RBFOX1: variants seen among roughly 807,000 people sequenced by gnomAD.
RBFOX1 encodes the protein RNA binding fox-1 homolog 1, also known as RNA binding protein fox-1 homolog 1.
A neutral mutation model predicts 57.7 loss-of-function variants in RBFOX1; 8 were observed. The ratio of observed to expected loss-of-function variants is 0.14; its 90% CI spans 0.08 to 0.25. The LOEUF (loss-of-function observed/expected upper bound fraction) is 0.25. RBFOX1 is among the 10% of genes least tolerant of loss of function. RBFOX1 has a pLI of 1.00. For synonymous variants in RBFOX1, 326 were observed against 222.4 expected (o/e 1.47, Z -4.15); for missense variants, 611 against 548.5 (o/e 1.11, Z -1.14).
At position 6,658,928 on chromosome 16, in the gene RBFOX1, G is replaced by GTTTTTTTT. The variant is rs981949678; in HGVS notation, c.-16+4285_-16+4286insTTTTTTTT. Among the ~76,000 whole-genome samples the GTTTTTTTT allele has an allele frequency of 4.7e-3, 410 of 87,584 alleles. 2 individuals carry two copies. Among genetic ancestry groups the GTTTTTTTT allele is most frequent in the Non-Finnish European group, 7.3e-3 (291 of 39,890 alleles). 57.5% of individuals were successfully genotyped at this position (87,584 alleles called of 152,430 possible). On this transcript the variant is annotated intron_variant, in intron 3 of 15. Coordinates refer to ENST00000550418, the MANE Select transcript of RBFOX1 (RefSeq NM_018723.4). ...AGGTTTTTTGTTTTTTTGTTTTTTG[G>GTTTTTTTT]TTTTTTTGTTTTTTTTGTTTTTTTT...
chr16:6,633,729 C>T (rs550722837), intron 2 of RBFOX1, among the ~76,000 whole-genome samples: 2 of 152,214 alleles, frequency 1.3e-5, no homozygotes, highest in Admixed American at 1.3e-4. Flanking sequence ...GAGGCTCTAG[C>T]CAGGCGCTGT....
intron 6 of RBFOX1, among the ~76,000 whole-genome samples, chr16:7,582,162 G>C (rs927645954): frequency 6.6e-6 from 1 of 152,040 alleles, no homozygotes; most frequent in Non-Finnish European, 1.5e-5. Context: ...TGACTAGCTG[G>C]GACTACATGC....
At chr16:6,695,466 A>G (rs2060905013) in intron 3 of RBFOX1, among the ~76,000 whole-genome samples, 1 of 151,700 alleles carries the variant, frequency 6.6e-6, no homozygotes, top group Non-Finnish European at 1.5e-5. Flanking sequence ...AAGGAAAAGA[A>G]AATGACATAA....
chr16:5,612,205 C>T (rs889316928), intron 3 of RBFOX1, among the ~76,000 whole-genome samples: 3 of 91,488 alleles, frequency 3.3e-5, no homozygotes, highest in African/African-American at 4.2e-5. Context: ...TCATTCTCCC[C>T]TCCACTCTCA....
At chr16:7,517,763 C>A (rs571101934) in intron 4 of RBFOX1, among the ~76,000 whole-genome samples, 2 of 150,578 alleles carry the variant, frequency 1.3e-5, no homozygotes, top group South Asian at 4.2e-4. Flanking sequence ...GTTCTGCTGT[C>A]ACTGCAGACA....
At chr16:7,010,523 T>A (rs1276644961) in intron 3 of RBFOX1, among the ~76,000 whole-genome samples, 1 of 150,736 alleles carries the variant, frequency 6.6e-6, no homozygotes, top group Non-Finnish European at 1.5e-5. Context: ...GGAGAGACAC[T>A]GATCACATCT....
At chr16:5,642,233 A>G (rs949276940) in intron 3 of RBFOX1, among the ~76,000 whole-genome samples, 1 of 152,340 alleles carries the variant, frequency 6.6e-6, no homozygotes, top group African/African-American at 2.4e-5. Context: ...GCCAGGAGAG[A>G]TAAGAGAAGG....
In RBFOX1 at chr16:5,447,077, A is replaced by G. The variant is rs531543762; in HGVS notation, c.220-20139A>G. Among the ~76,000 whole-genome samples the G allele has an allele frequency of 1.6e-4, 24 of 152,284 alleles. 1 individual carries two copies. In the South Asian group the frequency reaches 4.8e-3, roughly 30 times the overall value. ...AAGCAAACAAACCATCACGATCAAC[A>G]AAAGAGGTAATGCTGTGACTACCGC... is the stretch of plus-strand genomic sequence containing the variant. On this transcript the variant is annotated intron_variant, in intron 1 of 2. Transcript: ENST00000585867.
intron 2 of RBFOX1, among the ~76,000 whole-genome samples, chr16:5,585,425 G>T (rs576496615): frequency 6.6e-6 from 1 of 152,328 alleles, no homozygotes; most frequent in East Asian, 1.9e-4. Context: ...GACATCTGGG[G>T]TGTTTCCTGC....
chr16:7,512,797 T>C (rs2152076630), intron 4 of RBFOX1, among the ~76,000 whole-genome samples: 1 of 152,298 alleles, frequency 6.6e-6, no homozygotes, highest in South Asian at 2.1e-4. Flanking sequence ...TGCAGAAGTT[T>C]CCCAGGCTGC....
At chr16:5,975,894 C>T (rs986167869) in intron 4 of RBFOX1, among the ~76,000 whole-genome samples, 20 of 151,948 alleles carry the variant, frequency 1.3e-4, no homozygotes, top group Admixed American at 1.1e-3. Flanking sequence ...TCCTATAATC[C>T]CAGTACTTTG....
At chr16:5,454,333 T>C (rs1312375209) in intron 1 of RBFOX1, among the ~76,000 whole-genome samples, 1 of 152,250 alleles carries the variant, frequency 6.6e-6, no homozygotes, top group Non-Finnish European at 1.5e-5. Context: ...AACTATCTGA[T>C]TAAACTCTTA....
At chr16:7,350,320 T>C (rs1282839166) in intron 4 of RBFOX1, among the ~76,000 whole-genome samples, 2 of 152,058 alleles carry the variant, frequency 1.3e-5, no homozygotes, top group African/African-American at 4.8e-5. Context: ...TGAGATGGAA[T>C]GAAATGGGTA....
chr16:7,496,219 C>G (rs1420329679), intron 4 of RBFOX1, among the ~76,000 whole-genome samples: 1 of 152,200 alleles, frequency 6.6e-6, no homozygotes, highest in Non-Finnish European at 1.5e-5. Context: ...TCTCAGCTCA[C>G]TGCAACCTCC....
intron 4 of RBFOX1, among the ~76,000 whole-genome samples, chr16:5,995,165 A>G (rs1039189428): frequency 6.6e-6 from 1 of 152,234 alleles, no homozygotes; most frequent in East Asian, 1.9e-4. Context: ...AACTTTCCAC[A>G]TAATTAAATA....
At chr16:5,301,992 C>G (rs1290095546) in intron 1 of RBFOX1, among the ~76,000 whole-genome samples, 3 of 151,740 alleles carry the variant, frequency 2.0e-5, no homozygotes, top group African/African-American at 7.3e-5. Context: ...TTACTTTAAG[C>G]TTCATTTGCT....
chr16:5,457,769 T>A (rs1456704108), intron 1 of RBFOX1, among the ~76,000 whole-genome samples: 1 of 152,228 alleles, frequency 6.6e-6, no homozygotes, highest in Non-Finnish European at 1.5e-5. Flanking sequence ...ACTCACTTCC[T>A]GGTACTTATT....
At chr16:6,652,647 A>G (rs966885139) in intron 2 of RBFOX1, among the ~76,000 whole-genome samples, 8 of 152,250 alleles carry the variant, frequency 5.3e-5, no homozygotes, top group African/African-American at 1.7e-4. Context: ...CGTTGAAGTC[A>G]CCTAGTCTGT....
rs953896633 is a variant in RBFOX1 at position 5,978,842 on chromosome 16, A to G, written c.351+111507A>G. Among the ~76,000 whole-genome samples the G allele has an allele frequency of 2.0e-5, 3 of 151,672 alleles. No homozygotes were observed. In the East Asian group the frequency reaches 5.8e-4, roughly 30 times the overall value. On this transcript the variant is annotated intron_variant, in intron 4 of 19. Coordinates refer to the RBFOX1 transcript ENST00000641259. ...ACTGCAGAAGTGAAATGCTCTTCTC[A>G]TCATATAGCGAGAGCTACACCCCCA... is the stretch of plus-strand genomic sequence containing the variant.
Sources: gnomAD v4.1 joint callset for allele counts (sites outside exome capture counted in the v4.1 genomes callset) on GRCh38, gnomAD v4.1.1 for gene constraint, MANE v1.5 for transcripts, NCBI Gene and HGNC (gene_info 2026-07-23, HGNC 2026-07-21) for gene names.